Variants in PLEKHA7 observed in about 807,000 individuals in gnomAD.
PLEKHA7 encodes the protein pleckstrin homology domain-containing family A member 7.
A neutral mutation model predicts 170.0 loss-of-function variants in PLEKHA7; 104 were observed. The observed-to-expected ratio is 0.61, with a 90% CI of 0.52 to 0.72. The LOEUF is 0.72. Among genes scored for constraint, PLEKHA7 ranks in the 30% least tolerant of loss-of-function variants. PLEKHA7 has a pLI of 0.00. For synonymous variants in PLEKHA7, 648 were observed against 660.8 expected (o/e 0.98, Z 0.30); for missense variants, 1,615 against 1,671.7 (o/e 0.97, Z 0.59).
chr11:16,978,482 A>T (rs1441595747), intron 3 of PLEKHA7, among the ~76,000 whole-genome samples: 1 of 152,180 alleles, frequency 6.6e-6, no homozygotes, highest in Non-Finnish European at 1.5e-5. Context: ...CACAGAGAAT[A>T]ATGGCAAAGT....
intron 23 of PLEKHA7, chr11:16,787,663 T>C (rs1472721565): frequency 1.3e-5 from 2 of 152,208 alleles, no homozygotes; most frequent in African/African-American, 4.8e-5. Context: ...CAATCCATTA[T>C]TATTAAGCAA....
chr11:16,818,273 T>C (rs1849929125), intron 10 of PLEKHA7, among the ~76,000 whole-genome samples: 1 of 152,228 alleles, frequency 6.6e-6, no homozygotes, highest in Non-Finnish European at 1.5e-5. Flanking sequence ...GAGGATAGTA[T>C]TACCTGCCTC....
intron 19 of PLEKHA7, among the ~76,000 whole-genome samples, chr11:16,792,506 T>G (rs1309528495): frequency 6.6e-6 from 1 of 151,594 alleles, no homozygotes; most frequent in Non-Finnish European, 1.5e-5. Context: ...ATCACAGTGT[T>G]TAGGAGTCAA....
At chr11:16,996,964 G>T (rs1467672276) in intron 3 of PLEKHA7, among the ~76,000 whole-genome samples, 2 of 152,062 alleles carry the variant, frequency 1.3e-5, no homozygotes, top group African/African-American at 4.8e-5. Flanking sequence ...ATCTCAGAGT[G>T]GTTCTCTACC....
chr11:16,826,580 T>C lies in PLEKHA7; in HGVS notation c.883A>G (p.Lys295Glu). Residue 295 changes from lysine (K) to glutamate (E), a missense_variant, in exon 10 of 27, where the codon AAG becomes GAG. Physicochemically the swap from Lys to Glu is moderately conservative, Grantham distance 56. Coordinates refer to ENST00000531066, the MANE Select transcript of PLEKHA7 (RefSeq NM_001329630.2). ...SRSSLKRDME[K>E]VERQAVPQAN... ...TGGGGGACAGCCTGCCGCTCCACCTTCTCCATATCCCTGCAATGACAGCAG... is the reference window on the plus strand; with the variant it reads ...TGGGGGACAGCCTGCCGCTCCACCTCCTCCATATCCCTGCAATGACAGCAG... The C allele has an allele frequency of 6.2e-7, 1 of 1,612,606 alleles. No homozygotes were observed. The highest frequency in any genetic ancestry group is 8.5e-7 in the Non-Finnish European group (1 of 1,179,492).
chr11:16,846,771 C>T (rs551933507), intron 8 of PLEKHA7, among the ~76,000 whole-genome samples: 2 of 152,280 alleles, frequency 1.3e-5, no homozygotes, highest in East Asian at 1.9e-4. Context: ...AGCCTGAACC[C>T]ACCATATCTT....
intron 4 of PLEKHA7, among the ~76,000 whole-genome samples, chr11:16,869,388 C>T (rs550920649): frequency 6.6e-6 from 1 of 152,326 alleles, no homozygotes; most frequent in African/African-American, 2.4e-5. Flanking sequence ...TAACCTGGGA[C>T]GGCATCTTGG....
intron 3 of PLEKHA7, among the ~76,000 whole-genome samples, chr11:16,925,180 T>TC (rs1859421159): frequency 6.6e-6 from 1 of 151,056 alleles, no homozygotes. Context: ...GGCCGTGGGG[T>TC]CCCCAACCAC....
At chr11:16,998,574 C>T (rs933858288) in intron 3 of PLEKHA7, among the ~76,000 whole-genome samples, 1 of 152,198 alleles carries the variant, frequency 6.6e-6, no homozygotes, top group African/African-American at 2.4e-5. Context: ...TCTGAATTTT[C>T]AAAACCATCC....
chr11:16,828,655 C>T (rs1354810804), intron 9 of PLEKHA7, among the ~76,000 whole-genome samples: 1 of 152,186 alleles, frequency 6.6e-6, no homozygotes, highest in African/African-American at 2.4e-5. Flanking sequence ...CTCCAACCCC[C>T]ACACTGTATC....
chr11:16,789,930 C>A lies in PLEKHA7; in HGVS notation c.3053-52G>T. 2 of 1,449,780 alleles carry A rather than the reference C, an allele frequency of 1.4e-6. No individual in the cohort carries two copies. The highest frequency in any genetic ancestry group is 2.3e-5 in the South Asian group (2 of 86,888). 89.8% of individuals were successfully genotyped at this position (1,449,780 alleles called of 1,614,324 possible). A position where few individuals can be genotyped will look rare whatever the true frequency, so the allele number is the denominator to read the frequency against. ...ATGTTTGTGCTGGGGTGGATGGGTC[C>A]CTGCTTCTCCCTCATCACACATTCT... On this transcript the variant is annotated intron_variant, in intron 21 of 26. Coordinates refer to ENST00000531066, the MANE Select transcript of PLEKHA7 (RefSeq NM_001329630.2). This position sits in a 1 kb window ranked among gnomAD's most constrained non-coding sequence, Gnocchi z 4.6.
chr11:16,870,901 C>A (rs1266197064), intron 4 of PLEKHA7, among the ~76,000 whole-genome samples, 198 bp downstream of exon 4: 1 of 152,188 alleles, frequency 6.6e-6, no homozygotes, highest in Non-Finnish European at 1.5e-5. Context: ...ATCAACTCTC[C>A]TCTTCCATAT....
At chr11:16,976,427 A>T (rs999113544) in intron 3 of PLEKHA7, among the ~76,000 whole-genome samples, 3 of 152,086 alleles carry the variant, frequency 2.0e-5, no homozygotes, top group Non-Finnish European at 4.4e-5. Flanking sequence ...CTCTTCCCTC[A>T]CTCAAGGGGA....
chr11:16,826,899 T>C (rs1850701612), intron 9 of PLEKHA7, among the ~76,000 whole-genome samples: 1 of 152,214 alleles, frequency 6.6e-6, no homozygotes, highest in Non-Finnish European at 1.5e-5. Context: ...AAATAAACTA[T>C]GAGTTATTTT....
At chr11:16,867,653 C>T (rs961245967) in intron 4 of PLEKHA7, among the ~76,000 whole-genome samples, 3 of 152,140 alleles carry the variant, frequency 2.0e-5, no homozygotes, top group African/African-American at 4.8e-5. Context: ...GGAGGTAAAT[C>T]TAAGTGTATT....
intron 19 of PLEKHA7, among the ~76,000 whole-genome samples, chr11:16,792,375 T>C (rs1847923056): frequency 6.6e-6 from 1 of 151,966 alleles, no homozygotes; most frequent in African/African-American, 2.4e-5. Context: ...CTCAAGAAAA[T>C]AAGTCAAATA....
At chr11:16,845,677 G>A (rs1025392251) in intron 8 of PLEKHA7, among the ~76,000 whole-genome samples, 3 of 152,078 alleles carry the variant, frequency 2.0e-5, no homozygotes, top group Non-Finnish European at 4.4e-5. Context: ...TTATTAAAGG[G>A]TTTAAACTGG....
intron 17 of PLEKHA7, among the ~76,000 whole-genome samples, chr11:16,796,138 C>A (rs976674680): frequency 3.3e-5 from 5 of 152,102 alleles, no homozygotes; most frequent in African/African-American, 7.2e-5. Flanking sequence ...GGATTACAGG[C>A]GTGAGCCACT....
chr11:16,823,411 A>T (rs1481262995), intron 10 of PLEKHA7, among the ~76,000 whole-genome samples: 1 of 152,170 alleles, frequency 6.6e-6, no homozygotes, highest in African/African-American at 2.4e-5. Context: ...TGCAGACAGG[A>T]TTAAGGAACA....
Sources: allele counts gnomAD v4.1 joint callset (sites outside exome capture counted in the v4.1 genomes callset), GRCh38; gene constraint gnomAD v4.1.1; non-coding constraint Gnocchi (gnomAD v3.1); transcripts MANE v1.5; gene names NCBI Gene and HGNC (gene_info 2026-07-23, HGNC 2026-07-21).